Variants in ZNF43 observed in about 807,000 individuals in gnomAD.
ZNF43 encodes zinc finger protein 43.
Under a neutral mutation model 68.4 loss-of-function variants are expected in ZNF43, and 44 were observed. The observed-to-expected ratio is 0.64, with a 90% CI of 0.51 to 0.83. The LOEUF (loss-of-function observed/expected upper bound fraction) is 0.83, where lower values mean the gene tolerates loss of function less well. Ranked by LOEUF, ZNF43 falls within the 40% of genes least tolerant of loss-of-function variation. The pLI, the probability that ZNF43 is intolerant of heterozygous loss-of-function variation, is 0.00. For missense variants in ZNF43, 896 were observed against 933.2 expected (o/e 0.96, Z 0.52); for synonymous variants, 308 against 307.8 (o/e 1.00, Z -0.01).
At position 21,809,378 on chromosome 19, in the gene ZNF43, T is replaced by C. The variant is rs150195477; in HGVS notation, c.659A>G (p.His220Arg). Residue 220 changes from histidine to arginine, a missense_variant, in exon 4 of 4, where the codon CAT (histidine) becomes CGT (arginine). Coordinates refer to ENST00000354959, the MANE Select transcript of ZNF43 (RefSeq NM_003423.4). ...TTTCTCTCCAGTATTAATTCTCTTA[T>C]GTTTAGTGATGATTGAAGGGCAGTT... ...AFNCPSIITK[H>R]KRINTGEKPY... 20 of 1,613,496 alleles carry C rather than the reference T, an allele frequency of 1.2e-5. No individual in the cohort carries two copies. The highest frequency in any genetic ancestry group is 3.3e-5 in the Admixed American group (2 of 59,900).
At chr19:21,836,338 G>C, upstream of ZNF43, 1 of 1,069,722 alleles carries the variant, frequency 9.3e-7, no homozygotes, top group Non-Finnish European at 1.2e-6. Flanking sequence ...GCTGAAAGAA[G>C]AAAGAATGAC....
chr19:21,819,365 A>C, intron 1 of ZNF43, 144 bp from the exon 2 acceptor site: 1 of 950,232 alleles, frequency 1.1e-6, no homozygotes, highest in Middle Eastern at 2.3e-4. Context: ...ATCCAATAAA[A>C]TAATTCTTTT....
intron 3 of ZNF43, among the ~76,000 whole-genome samples, chr19:21,817,223 T>TA (rs571622011): frequency 0.057 from 7,682 of 135,408 alleles, 423 homozygotes; most frequent in African/African-American, 0.15. Context: ...CCTCTGTCTT[T>TA]AAAAAAAAAA....
chr19:21,809,423 TC>T lies in ZNF43; in HGVS notation c.613del (p.Glu205LysfsTer74). 1 of 1,613,664 alleles carries T rather than the reference TC, an allele frequency of 6.2e-7. No individual in the cohort carries two copies. Among genetic ancestry groups the T allele is most frequent in the Non-Finnish European group, 8.5e-7 (1 of 1,179,818 alleles). On this transcript the variant is annotated frameshift_variant, in exon 4 of 4. Coordinates refer to ENST00000354959, the MANE Select transcript of ZNF43 (RefSeq NM_003423.4). LOFTEE classifies it high-confidence loss of function. Reference sequence around the variant, plus strand: ...GCAGTTAAAAGCTTTTCCACATTTTTCACATTTGCAGAAATTCACTCTGGTA... The same window carrying T: ...GCAGTTAAAAGCTTTTCCACATTTTTACATTTGCAGAAATTCACTCTGGTA... ...IHTRVNFCKC[E>X]KCGKAFNCPS...
chr19:21,835,919 T>C lies in ZNF43; in HGVS notation c.3+117A>G, dbSNP rs7246146. ...GCCGCCATCTTATGGCTGAAGGGGA[T>C]TGAGGCCGAGCTGGGCAAGAACTCC... On this transcript the variant is annotated intron_variant, in intron 1 of 3. Transcript: ENST00000354959. 9.1e-3 allele frequency: 14,236 copies of C among 1,557,242 alleles called. 738 individuals are homozygous for C. The African/African-American group carries it at 0.14, about 15-fold the overall frequency.
At chr19:21,816,074 A>G (rs2037514456) in intron 3 of ZNF43, among the ~76,000 whole-genome samples, 1 of 151,536 alleles carries the variant, frequency 6.6e-6, no homozygotes. Flanking sequence ...AAAAAAAAAG[A>G]AAAGAAAAGA....
intron 1 of ZNF43, among the ~76,000 whole-genome samples, chr19:21,834,335 C>CAAAAAAAAAAAAAAAAAAATAAAAA (rs34305940): frequency 1.2e-5 from 1 of 86,448 alleles, no homozygotes; most frequent in Non-Finnish European, 2.4e-5. Context: ...AACACTGTCT[C>CAAAAAAAAAAAAAAAAAAATAAAAA]AAAAAAAAAA....
chr19:21,843,366 C>T (rs1385324372), intron 1 of ZNF43: 2 of 985,168 alleles, frequency 2.0e-6, no homozygotes, highest in Non-Finnish European at 2.4e-6. Flanking sequence ...CAGTTCTTCA[C>T]GTGTCTTCAT....
rs535954028 is a variant in ZNF43, at chr19:21,809,168, T to C, written c.869A>G (p.Glu290Gly). ...GGATTGGTTAAAAGCTTTGGCACAT[T>C]CTTTACATTTGTAGAATTTCTCTCC... ...RTGEKFYKCK[E>G]CAKAFNQSSN... The change falls in exon 4 of 4, where the codon GAA becomes GGA. Residue 290 changes from glutamate (E) to glycine (G), a missense_variant. Glu to Gly is a moderately conservative substitution (Grantham distance 98). Transcript: ENST00000354959. 1 of 1,613,522 alleles carries C rather than the reference T, an allele frequency of 6.2e-7. No homozygotes were observed. The highest frequency in any genetic ancestry group is 1.1e-5 in the South Asian group (1 of 91,066).
rs191638211 is a variant in ZNF43 at position 21,808,385 on chromosome 19, G to A, written c.1652C>T (p.Ser551Leu). The A allele has an allele frequency of 2.7e-5, 44 of 1,612,768 alleles. No homozygotes were observed. The Admixed American group carries it at 3.0e-4, about 11-fold the overall frequency. Residue 551 changes from serine to leucine, a missense_variant, in exon 4 of 4, where the codon TCA becomes TTA. Physicochemically the swap from Ser to Leu is moderately radical, Grantham distance 145. Coordinates refer to ENST00000354959, the MANE Select transcript of ZNF43 (RefSeq NM_003423.4). Reference sequence around the variant, plus strand: ...AATCCTCTTATGTTTGGTAAGGATTGAGAAATGGTTAAAAGCTTTGCCACA... The same window carrying A: ...AATCCTCTTATGTTTGGTAAGGATTAAGAAATGGTTAAAAGCTTTGCCACA... ...EECGKAFNHF[S>L]ILTKHKRIHT...
intron 1 of ZNF43, among the ~76,000 whole-genome samples, chr19:21,824,290 G>A (rs1225824600): frequency 2.0e-5 from 3 of 152,158 alleles, no homozygotes; most frequent in African/African-American, 7.2e-5. Flanking sequence ...CCCTACTCCA[G>A]TATCGTATTT....
At chr19:21,818,415 T>C (rs1459320384) in intron 2 of ZNF43, among the ~76,000 whole-genome samples, 6 of 151,846 alleles carry the variant, frequency 4.0e-5, no homozygotes, top group African/African-American at 1.5e-4. Context: ...AATACTAATT[T>C]TTAACAAAAA....
At position 21,836,055 on chromosome 19, in the gene ZNF43, G is replaced by T. The variant is rs544059299; in HGVS notation, c.-17C>A. The T allele has an allele frequency of 1.4e-5, 23 of 1,613,962 alleles. No homozygotes were observed. In the South Asian group the frequency reaches 2.4e-4, roughly 17 times the overall value. ...TCTCACCATTTCTAGGCTTCCGGGG[G>T]GTCCTGGCGTCTTAGCTGTGGATCC... On this transcript the variant is annotated 5_prime_UTR_variant, in exon 1 of 4. Transcript: ENST00000354959.
Position 21,809,362 on chromosome 19 carries a change from A to T in ZNF43, c.675T>A (p.Thr225=). ...SIITKHKRIN[T]GEKPYTCEEC... is the part of the protein sequence containing the mutation. ...CTTCACATGTGTAGGGTTTCTCTCC[A>T]GTATTAATTCTCTTATGTTTAGTGA... The change falls in exon 4 of 4, where the codon ACT becomes ACA. Residue 225 remains threonine, a synonymous_variant. Transcript: ENST00000354959. 1 of 1,613,810 alleles carries T rather than the reference A, an allele frequency of 6.2e-7. No individual in the cohort carries two copies. The highest frequency in any genetic ancestry group is 8.5e-7 in the Non-Finnish European group (1 of 1,179,896).
At position 21,808,261 on chromosome 19, in the gene ZNF43, T is replaced by C. The variant is rs1456385896; in HGVS notation, c.1776A>G (p.Lys592=). The change falls in exon 4 of 4, where the codon AAA becomes AAG. Residue 592 remains lysine, a synonymous_variant. Coordinates refer to ENST00000354959, the MANE Select transcript of ZNF43 (RefSeq NM_003423.4). ...TTHKKIHTGE[K]FYKCEECGKA... ...TGCCACATTCTTCACATTTGTAGAA[T>C]TTCTCTCCAGTATGAATTTTCTTAT... The C allele has an allele frequency of 1.9e-6, 3 of 1,613,496 alleles. No individual in the cohort carries two copies. Among genetic ancestry groups the C allele is most frequent in the African/African-American group, 2.7e-5 (2 of 74,910 alleles).
intron 1 of ZNF43, among the ~76,000 whole-genome samples, chr19:21,825,390 T>C (rs949356486): frequency 2.0e-5 from 3 of 152,234 alleles, no homozygotes; most frequent in Admixed American, 2.0e-4. Context: ...TTATAGCTAC[T>C]TGTGGCAATA....
intron 1 of ZNF43, among the ~76,000 whole-genome samples, chr19:21,827,993 C>T (rs1017001455): frequency 2.0e-5 from 3 of 151,996 alleles, no homozygotes; most frequent in Admixed American, 6.6e-5. Context: ...TGAGTGGCCA[C>T]CTGACCTGTT....
At chr19:21,843,046 C>T (rs1276997442) in intron 1 of ZNF43, 2 of 152,194 alleles carry the variant, frequency 1.3e-5, no homozygotes, top group East Asian at 3.9e-4. Context: ...CCCCTGAAGC[C>T]AGGGTCTAGG....
chr19:21,808,603 T>G lies in ZNF43; in HGVS notation c.1434A>C (p.Ala478=). 1 of 1,613,702 alleles carries G rather than the reference T, an allele frequency of 6.2e-7. No individual in the cohort carries two copies. Among genetic ancestry groups the G allele is most frequent in the Middle Eastern group, 1.7e-4 (1 of 6,054 alleles). The change falls in exon 4 of 4, where the codon GCA becomes GCC. Residue 478 remains alanine, a synonymous_variant. Coordinates refer to ENST00000354959, the MANE Select transcript of ZNF43 (RefSeq NM_003423.4). ...ATTCTTCACATTTGTACGGTTTTTCTGCAGTATGAATTCTCTTATGTGTAG... is the reference window on the plus strand; with the variant it reads ...ATTCTTCACATTTGTACGGTTTTTCGGCAGTATGAATTCTCTTATGTGTAG... ...NLTTHKRIHT[A]EKPYKCEECG...
Sources: gnomAD v4.1 joint callset for allele counts (sites outside exome capture counted in the v4.1 genomes callset) on GRCh38, gnomAD v4.1.1 for gene constraint, MANE v1.5 for transcripts, NCBI Gene and HGNC (gene_info 2026-07-23, HGNC 2026-07-21) for gene names.